Variants in DNAH8 observed in about 807,000 individuals in gnomAD.
The protein encoded by DNAH8 is dynein axonemal heavy chain 8.
Under a neutral mutation model 562.1 loss-of-function variants are expected in DNAH8, and 382 were observed. The observed-to-expected ratio is 0.68, with a 90% CI of 0.63 to 0.74. The LOEUF (loss-of-function observed/expected upper bound fraction) is 0.74, where lower values mean the gene tolerates loss of function less well. Ranked by LOEUF, DNAH8 falls within the 30% of genes least tolerant of loss-of-function variation. The pLI, the probability that DNAH8 is intolerant of heterozygous loss-of-function variation, is 0.00. For missense variants in DNAH8, 5,203 were observed against 5,620.4 expected (o/e 0.93, Z 2.37); for synonymous variants, 1,881 against 1,919.4 (o/e 0.98, Z 0.52).
chr6:38,742,021 T>A (rs1764555843), intron 8 of DNAH8, 134 bp downstream of exon 8: 2 of 619,070 alleles, frequency 3.2e-6, no homozygotes, highest in South Asian at 4.7e-5. Context: ...GGCTTTTACA[T>A]ATATCACAGT....
chr6:38,800,802 G>T (rs576862438), intron 21 of DNAH8, among the ~76,000 whole-genome samples: 1 of 152,074 alleles, frequency 6.6e-6, no homozygotes, highest in Non-Finnish European at 1.5e-5. Flanking sequence ...GATTACAGAC[G>T]TGAGCCACCG....
Position 38,812,023 on chromosome 6 carries a change from A to G in DNAH8, c.3258-2031A>G, listed in dbSNP as rs140377212. Among the ~76,000 whole-genome samples the G allele has an allele frequency of 4.8e-3, 733 of 152,312 alleles. 10 individuals are homozygous for G. Among genetic ancestry groups the G allele is most frequent in the African/African-American group, 0.017 (709 of 41,570 alleles). ...CAGGTCTGCATCTCCTGGAAAAGCC[A>G]TAGCTGCAGGAAGTAAGTTGACGCA... On this transcript the variant is annotated intron_variant, in intron 24 of 92. Transcript: ENST00000327475.
At chr6:38,772,870 G>A (rs1767702921) in intron 12 of DNAH8, among the ~76,000 whole-genome samples, 1 of 151,542 alleles carries the variant, frequency 6.6e-6, no homozygotes, top group Admixed American at 6.6e-5. Flanking sequence ...TACTCAGGCT[G>A]GAGTGCAGTG....
intron 43 of DNAH8, 79 bp downstream of exon 43, chr6:38,860,708 T>A: frequency 1.8e-6 from 2 of 1,090,024 alleles, no homozygotes; most frequent in Non-Finnish European, 2.5e-6. Context: ...TTTGAAATAT[T>A]AACAAAAGCA....
intron 11 of DNAH8, among the ~76,000 whole-genome samples, chr6:38,766,908 C>A (rs1767059968): frequency 1.3e-5 from 2 of 152,040 alleles, no homozygotes; most frequent in East Asian, 1.9e-4. Context: ...TGATAGAAAT[C>A]ATCTGTTAAG....
chr6:38,873,020 C>G lies in DNAH8; in HGVS notation c.7352C>G (p.Pro2451Arg), dbSNP rs1037321155. The change falls in exon 51 of 93, where the codon CCC becomes CGC. Residue 2451 changes from proline to arginine, a missense_variant. Around this residue, in one of 6 missense-constraint regions of DNAH8, gnomAD observed 977 missense variants for 1,061.8 expected, o/e 0.92. Coordinates refer to ENST00000327475, the MANE Select transcript of DNAH8 (RefSeq NM_001206927.2). ...TLTLANGDRI[P>R]MAPSCKLLFE... Reference sequence around the variant, plus strand: ...ACGTTAGCTAATGGAGATCGCATTCCCATGGCCCCTAGTTGTAAGCTTCTG... The same window carrying G: ...ACGTTAGCTAATGGAGATCGCATTCGCATGGCCCCTAGTTGTAAGCTTCTG... The G allele has an allele frequency of 6.2e-7, 1 of 1,613,986 alleles. No homozygotes were observed. Among genetic ancestry groups the G allele is most frequent in the Non-Finnish European group, 8.5e-7 (1 of 1,179,988 alleles).
chr6:38,748,755 AAATAATAATAATAAT>A (rs57398991), intron 8 of DNAH8, among the ~76,000 whole-genome samples: 1 of 138,618 alleles, frequency 7.2e-6, no homozygotes, highest in South Asian at 2.4e-4. Context: ...CTCCGTCTCA[AAATAATAATAATAAT>A]AATAATAATA....
At position 39,012,543 on chromosome 6, in the gene DNAH8, C is replaced by T. The variant is rs757424334; in HGVS notation, c.13620C>T (p.Phe4540=). 8 of 1,613,756 alleles carry T rather than the reference C, an allele frequency of 5.0e-6. No homozygotes were observed. Among genetic ancestry groups the T allele is most frequent in the Non-Finnish European group, 5.9e-6 (7 of 1,179,798 alleles). ...SWDSSTLGFW[F]TELLERNAQF... ...ATTCGTCCACACTGGGCTTCTGGTT[C>T]ACTGAACTTTTGGAAAGAAATGCTC... The change falls in exon 91 of 93, where the codon TTC becomes TTT. Residue 4540 remains phenylalanine (F), a synonymous_variant. Transcript: ENST00000327475.
At chr6:38,872,832 C>CA in intron 50 of DNAH8, 50 bp downstream of exon 50, 6 of 1,608,550 alleles carry the variant, frequency 3.7e-6, no homozygotes, top group Non-Finnish European at 5.1e-6. Flanking sequence ...AGCGTATTAA[C>CA]ACAGTATTTT....
intron 82 of DNAH8, among the ~76,000 whole-genome samples, chr6:38,957,008 T>A (rs940196459): frequency 6.6e-6 from 1 of 152,182 alleles, no homozygotes; most frequent in Non-Finnish European, 1.5e-5. Context: ...ATGGATTTTT[T>A]AAAAAAGACC....
At chr6:38,874,139 CTCTTTCTCCTTCCTTCCTTCCTCCT>C (rs2150440355) in intron 52 of DNAH8, among the ~76,000 whole-genome samples, 1 of 129,012 alleles carries the variant, frequency 7.8e-6, no homozygotes, top group South Asian at 2.7e-4. Context: ...TTCTTTCTTT[CTCTTTCTCCTTCCTTCCTTCCTCCT>C]TCTCTCTTTC....
At chr6:39,026,194 C>T (rs903856079) in intron 91 of DNAH8, among the ~76,000 whole-genome samples, 2 of 152,226 alleles carry the variant, frequency 1.3e-5, no homozygotes, top group Non-Finnish European at 2.9e-5. Flanking sequence ...CCATTCCGAT[C>T]TTATTCCTCA....
chr6:38,722,832 G>A lies in DNAH8; in HGVS notation c.23G>A (p.Gly8Asp). ...GGGATGGAGAAGGATGCTGAAGATG[G>A]CGCCCCTTCTGAGGGAGCAGAGGCT... is the stretch of plus-strand genomic sequence containing the variant. MEKDAED[G>D]APSEGAEAPP... Residue 8 changes from glycine to aspartate, a missense_variant, in exon 2 of 93, where the codon GGC becomes GAC. Gly to Asp is a moderately conservative substitution (Grantham distance 94). Coordinates refer to ENST00000327475, the MANE Select transcript of DNAH8 (RefSeq NM_001206927.2). The A allele has an allele frequency of 6.3e-7, 1 of 1,597,298 alleles. No individual in the cohort carries two copies. Among genetic ancestry groups the A allele is most frequent in the Non-Finnish European group, 8.5e-7 (1 of 1,172,464 alleles).
chr6:38,737,821 G>A lies in DNAH8; in HGVS notation c.965G>A (p.Ser322Asn). 6.5e-7 allele frequency: 1 copy of A among 1,537,790 alleles called. No homozygotes were observed. The highest frequency in any genetic ancestry group is 1.3e-5 in the South Asian group (1 of 77,686). ...TTTTCCTTTTTAGGTGCTAGAATAA[G>A]TATTGAGGGAACAGTGAAGTTAAAG... Reference protein sequence around the residue: ...YLSFLDGARISIEGTVKLKTI... With the variant: ...YLSFLDGARINIEGTVKLKTI... Residue 322 changes from serine to asparagine, a missense_variant, in exon 7 of 93, where the codon AGT (serine) becomes AAT (asparagine). Ser to Asn is a conservative substitution (Grantham distance 46, BLOSUM62 1). Transcript: ENST00000327475.
intron 53 of DNAH8, among the ~76,000 whole-genome samples, chr6:38,876,371 C>T (rs1182940454): frequency 6.6e-6 from 1 of 152,114 alleles, no homozygotes. Context: ...CCTGATTCTT[C>T]AAAGTTCCAA....
At chr6:38,812,226 G>C (rs1436609822) in intron 24 of DNAH8, among the ~76,000 whole-genome samples, 2 of 152,100 alleles carry the variant, frequency 1.3e-5, no homozygotes, top group Non-Finnish European at 2.9e-5. Context: ...CCCTGGCTAG[G>C]CTGTCCTTGA....
At chr6:38,774,372 G>A (rs1294930924) in intron 12 of DNAH8, among the ~76,000 whole-genome samples, 1 of 152,160 alleles carries the variant, frequency 6.6e-6, no homozygotes, top group Non-Finnish European at 1.5e-5. Context: ...TGGTGAGCCG[G>A]AGGAGAGACT....
intron 79 of DNAH8, 115 bp from the exon 80 acceptor site, chr6:38,945,352 C>A: frequency 1.8e-6 from 2 of 1,127,830 alleles, no homozygotes; most frequent in Non-Finnish European, 2.5e-6. Flanking sequence ...TATTATTTTC[C>A]AATTTTCCTA....
At chr6:38,788,645 TTAGTTA>T (rs1424262854) in intron 18 of DNAH8, among the ~76,000 whole-genome samples, 1 of 152,254 alleles carries the variant, frequency 6.6e-6, no homozygotes, top group East Asian at 1.9e-4. Flanking sequence ...GTCTATTTTT[TTAGTTA>T]TAAAGTTCAT....
Sources: gnomAD v4.1 joint callset for allele counts (sites outside exome capture counted in the v4.1 genomes callset) on GRCh38, gnomAD v4.1.1 for gene constraint, gnomAD v4.1.1 regional missense constraint, MANE v1.5 for transcripts, NCBI Gene and HGNC (gene_info 2026-07-23, HGNC 2026-07-21) for gene names.